GBE1: variants seen among roughly 807,000 people sequenced by gnomAD.
The protein encoded by GBE1 is 1,4-alpha-glucan branching enzyme 1, also known as 1,4-alpha-glucan-branching enzyme.
A neutral mutation model predicts 88.8 loss-of-function variants in GBE1; 70 were observed. The observed-to-expected ratio is 0.79, with a 90% CI of 0.65 to 0.96. The LOEUF (loss-of-function observed/expected upper bound fraction) is 0.96. GBE1 is among the 40% of genes least tolerant of loss of function. The pLI, the probability that GBE1 is intolerant of heterozygous loss-of-function variation, is 0.00. For missense variants in GBE1, 872 were observed against 871.0 expected (o/e 1.00, Z -0.01); for synonymous variants, 284 against 300.1 (o/e 0.95, Z 0.56).
intron 1 of GBE1, among the ~76,000 whole-genome samples, chr3:81,708,950 G>A (rs914864972): frequency 4.6e-5 from 7 of 152,216 alleles, no homozygotes; most frequent in Non-Finnish European, 7.4e-5. Context: ...GCCAGGCCAG[G>A]CAGGTGTAAC....
At chr3:81,734,737 T>C (rs1706237395) in intron 1 of GBE1, among the ~76,000 whole-genome samples, 1 of 152,144 alleles carries the variant, frequency 6.6e-6, no homozygotes, top group Admixed American at 6.6e-5. Flanking sequence ...GAAGACAATG[T>C]GCCTCTAATC....
intron 3 of GBE1, among the ~76,000 whole-genome samples, chr3:81,651,863 C>T (rs1295426883): frequency 6.6e-6 from 1 of 152,200 alleles, no homozygotes; most frequent in Non-Finnish European, 1.5e-5. Context: ...CTACTTCATG[C>T]TGAATTTAAC....
chr3:81,508,765 G>T (rs1163994661), intron 14 of GBE1, among the ~76,000 whole-genome samples: 1 of 152,130 alleles, frequency 6.6e-6, no homozygotes, highest in Non-Finnish European at 1.5e-5. Context: ...GACAGGGATA[G>T]GAGACAGCAT....
At chr3:81,567,831 A>G (rs1480175175) in intron 12 of GBE1, among the ~76,000 whole-genome samples, 1 of 152,218 alleles carries the variant, frequency 6.6e-6, no homozygotes, top group African/African-American at 2.4e-5. Context: ...TTAAAAAGCA[A>G]CAAAGGTTAT....
intron 7 of GBE1, among the ~76,000 whole-genome samples, chr3:81,623,808 G>A (rs898820013): frequency 2.6e-5 from 4 of 152,092 alleles, no homozygotes; most frequent in African/African-American, 9.7e-5. Flanking sequence ...GGGACTTCAG[G>A]TGAGAGCCAT....
intron 7 of GBE1, among the ~76,000 whole-genome samples, chr3:81,628,162 T>A (rs761905383): frequency 6.6e-6 from 1 of 152,060 alleles, no homozygotes; most frequent in Non-Finnish European, 1.5e-5. Context: ...CTTATATGTG[T>A]CTTCAACTAT....
At chr3:81,695,127 C>G (rs952462251) in intron 2 of GBE1, among the ~76,000 whole-genome samples, 1 of 152,196 alleles carries the variant, frequency 6.6e-6, no homozygotes, top group Non-Finnish European at 1.5e-5. Context: ...CTTCACTAGT[C>G]GAGAAGTTGA....
At chr3:81,526,792 T>C (rs563130227) in intron 14 of GBE1, among the ~76,000 whole-genome samples, 3 of 152,016 alleles carry the variant, frequency 2.0e-5, no homozygotes, top group Non-Finnish European at 4.4e-5. Flanking sequence ...TGGCCATACT[T>C]CCCAAGGTAA....
intron 7 of GBE1, among the ~76,000 whole-genome samples, chr3:81,604,329 C>T (rs1443773213): frequency 6.9e-6 from 1 of 144,372 alleles, no homozygotes; most frequent in Non-Finnish European, 1.5e-5. Context: ...ACTTTCTTGC[C>T]CAGGCTGATA....
At chr3:81,504,143 G>A (rs1368084071) in intron 14 of GBE1, among the ~76,000 whole-genome samples, 1 of 152,130 alleles carries the variant, frequency 6.6e-6, no homozygotes, top group South Asian at 2.1e-4. Context: ...ACCTCTACCA[G>A]GCCCCACCTC....
intron 12 of GBE1, among the ~76,000 whole-genome samples, chr3:81,563,945 C>CGAAG (rs201365439): frequency 0.037 from 5,553 of 148,262 alleles, 352 homozygotes; most frequent in African/African-American, 0.13. Context: ...AAGGAAGGGA[C>CGAAG]GAAGGAAGGA....
At chr3:81,527,552 C>T (rs1366436934) in intron 14 of GBE1, among the ~76,000 whole-genome samples, 1 of 152,064 alleles carries the variant, frequency 6.6e-6, no homozygotes, top group Non-Finnish European at 1.5e-5. Context: ...AACAAATGGG[C>T]GAAGGATATG....
chr3:81,754,514 C>CAAAAAAAAAAAAAAAGAA (rs61660989), intron 1 of GBE1, among the ~76,000 whole-genome samples: 1 of 79,376 alleles, frequency 1.3e-5, no homozygotes, highest in Non-Finnish European at 2.5e-5. Flanking sequence ...TAAATCTTAG[C>CAAAAAAAAAAAAAAAGAA]AAAAAAAAAA....
At chr3:81,710,018 G>A (rs190999647) in intron 1 of GBE1, among the ~76,000 whole-genome samples, 144 of 152,132 alleles carry the variant, frequency 9.5e-4, no homozygotes, top group African/African-American at 3.4e-3. Flanking sequence ...CAGATGTGAC[G>A]TCTATATCAA....
intron 7 of GBE1, among the ~76,000 whole-genome samples, chr3:81,622,994 C>T (rs1420011639): frequency 6.6e-6 from 1 of 152,184 alleles, no homozygotes; most frequent in Non-Finnish European, 1.5e-5. Flanking sequence ...ATCTGCTCAA[C>T]ATCTCTCTTC....
At chr3:81,688,093 G>A (rs1278576202) in intron 2 of GBE1, among the ~76,000 whole-genome samples, 1 of 152,188 alleles carries the variant, frequency 6.6e-6, no homozygotes, top group African/African-American at 2.4e-5. Context: ...ATCTGCAGAT[G>A]CATGAGTGGA....
chr3:81,628,330 A>T (rs183164368), intron 7 of GBE1, among the ~76,000 whole-genome samples: 30 of 152,242 alleles, frequency 2.0e-4, no homozygotes, highest in African/African-American at 6.3e-4. Context: ...TGAAAGAATG[A>T]ATATCATGGC....
chr3:81,581,145 T>G lies in GBE1; in HGVS notation c.1446+20A>C, dbSNP rs28763899. ...GAGAGAGAGAGAGAAATAAATGAAT[T>G]TATGCACATATTCATTTACCTGATC... On this transcript the variant is annotated intron_variant, in intron 11 of 15. Transcript: ENST00000429644. 41 of 1,357,402 alleles carry G rather than the reference T, an allele frequency of 3.0e-5. No individual in the cohort carries two copies. The East Asian group carries it at 9.0e-4, about 30-fold the overall frequency. The allele number at this position is 1,357,402 out of a possible 1,614,324, so 84.1% of individuals were successfully genotyped here. A position where few individuals can be genotyped will look rare whatever the true frequency, so the allele number is the denominator to read the frequency against.
chr3:81,580,685 G>A (rs987306284), intron 11 of GBE1, among the ~76,000 whole-genome samples: 3 of 152,046 alleles, frequency 2.0e-5, no homozygotes, highest in South Asian at 2.1e-4. Flanking sequence ...GGCTGTATTC[G>A]AGAAGACAGA....
Sources: gnomAD v4.1 joint callset for allele counts (sites outside exome capture counted in the v4.1 genomes callset) on GRCh38, gnomAD v4.1.1 for gene constraint, MANE v1.5 for transcripts, NCBI Gene and HGNC (gene_info 2026-07-23, HGNC 2026-07-21) for gene names.